The following ADCY9 variants were observed in gnomAD, a reference collection of about 807,000 sequenced individuals.
ADCY9 encodes the protein adenylate cyclase 9, also known as adenylate cyclase type 9.
In ADCY9, 50 loss-of-function variants were observed where a neutral mutation model predicts 101.5. That is an observed-to-expected ratio of 0.49 (90% CI 0.39 to 0.62). The LOEUF is 0.62. Among genes scored for constraint, ADCY9 ranks in the 20% least tolerant of loss-of-function variants. ADCY9 has a pLI of 0.00. For missense variants in ADCY9, 1,662 were observed against 1,800.4 expected (o/e 0.92, Z 1.39); for synonymous variants, 905 against 769.3 (o/e 1.18, Z -2.92).
chr16:3,963,091 G>A lies in ADCY9; in HGVS notation c.*2684C>T, dbSNP rs981679126. On this transcript the variant is annotated 3_prime_UTR_variant, in exon 11 of 11. Coordinates refer to ENST00000294016, the MANE Select transcript of ADCY9 (RefSeq NM_001116.4). ...GCATTGGATAAAATTGTGTGTGCTT[G>A]TTTACCATATATATATATATATATA... 80 of 134,192 alleles carry A rather than the reference G, an allele frequency of 6.0e-4. No individual in the cohort carries two copies. The highest frequency in any genetic ancestry group is 7.5e-3 in the Middle Eastern group (2 of 268). 8.3% of individuals were successfully genotyped at this position (134,192 alleles called of 1,614,324 possible). A position where few individuals can be genotyped will look rare whatever the true frequency, so the allele number is the denominator to read the frequency against.
Position 4,114,780 on chromosome 16 carries a change from C to T in ADCY9, c.663G>A (p.Val221=), listed in dbSNP as rs1042876657. The change falls in exon 2 of 11, where the codon GTG becomes GTA. Residue 221 remains valine, a synonymous_variant. Coordinates refer to ENST00000294016, the MANE Select transcript of ADCY9 (RefSeq NM_001116.4). The surrounding 1 kb of genome is among the most constrained non-coding windows in gnomAD (Gnocchi z 4.3). The part of the protein sequence containing the change: ...ARPTDTCLSQ[V]GSFSMCIEVL... The stretch of plus-strand genomic sequence containing the variant: ...CTTCGATGCACATGGAGAAGCTCCC[C>T]ACTTGAGATAAGCAAGTATCTGTGG... The T allele has an allele frequency of 6.2e-7, 1 of 1,613,298 alleles. No individual in the cohort carries two copies. Among genetic ancestry groups the T allele is most frequent in the East Asian group, 2.2e-5 (1 of 44,892 alleles).
intron 2 of ADCY9, among the ~76,000 whole-genome samples, chr16:4,008,204 GA>G (rs35824715): frequency 0.36 from 49,504 of 139,234 alleles, 9,105 homozygotes; most frequent in East Asian, 0.5. Flanking sequence ...CCCGCATATA[GA>G]AAAAAAAAAA....
At chr16:4,082,717 C>CGCAT (rs919672205) in intron 2 of ADCY9, among the ~76,000 whole-genome samples, 3 of 151,160 alleles carry the variant, frequency 2.0e-5, no homozygotes, top group East Asian at 3.9e-4. Flanking sequence ...CACGCATGCA[C>CGCAT]GCACACACAT....
In ADCY9 at chr16:3,983,265, A is replaced by G; in HGVS notation, c.2486T>C (p.Leu829Pro). 1 of 1,553,192 alleles carries G rather than the reference A, an allele frequency of 6.4e-7. No homozygotes were observed. Among genetic ancestry groups the G allele is most frequent in the South Asian group, 1.2e-5 (1 of 84,188 alleles). ...AALAVFSAALLLEVLSLAVSI... is the reference protein window; with the variant it reads ...AALAVFSAALPLEVLSLAVSI... ...CACCGCGAGGGACAGCACCTCCAGCAGCAGGGCTGCACTGAAGACCGCCAG... is the reference window on the plus strand; with the variant it reads ...CACCGCGAGGGACAGCACCTCCAGCGGCAGGGCTGCACTGAAGACCGCCAG... Residue 829 changes from leucine (L) to proline (P), a missense_variant, in exon 7 of 11, where the codon CTG becomes CCG. By Grantham distance (98) the Leu-to-Pro change is moderately conservative. Around this residue, in one of 5 missense-constraint regions of ADCY9, gnomAD observed 624 missense variants for 639.1 expected, o/e 0.98. Coordinates refer to ENST00000294016, the MANE Select transcript of ADCY9 (RefSeq NM_001116.4).
In ADCY9 at chr16:3,955,806, C is replaced by T. The variant is rs2055903369; in HGVS notation, c.568-2290G>A. Among the ~76,000 whole-genome samples the T allele has an allele frequency of 2.6e-5, 4 of 151,654 alleles. No homozygotes were observed. In the South Asian group the frequency reaches 8.3e-4, roughly 32 times the overall value. On this transcript the variant is annotated intron_variant, in intron 5 of 5. Coordinates refer to the ADCY9 transcript ENST00000576936. ...CCCTGTGATTCACCTGCCTCAGCCT[C>T]CCAAAGTGCTGGGATTACAGGGGTG... is the stretch of plus-strand genomic sequence containing the variant.
intron 5 of ADCY9, among the ~76,000 whole-genome samples, chr16:3,990,624 G>A (rs1015764550): frequency 3.3e-5 from 5 of 152,086 alleles, no homozygotes; most frequent in African/African-American, 1.2e-4. Context: ...AACATTCTCA[G>A]ACTCAGAAGA....
intron 2 of ADCY9, among the ~76,000 whole-genome samples, chr16:4,030,300 G>A (rs950318658): frequency 6.6e-6 from 1 of 152,106 alleles, no homozygotes; most frequent in African/African-American, 2.4e-5. Flanking sequence ...GTTGTGATAT[G>A]ACCGAGAAGG....
chr16:3,986,984 C>G (rs2238444), intron 6 of ADCY9, among the ~76,000 whole-genome samples: 47,116 of 152,126 alleles, frequency 0.31, 7,490 homozygotes, highest in East Asian at 0.43. Flanking sequence ...GCCCCTGCCA[C>G]GTCCTGCCAC....
chr16:4,040,209 G>C (rs1030359566), intron 2 of ADCY9, among the ~76,000 whole-genome samples: 1 of 152,180 alleles, frequency 6.6e-6, no homozygotes, highest in African/African-American at 2.4e-5. Flanking sequence ...AAGATAGGCA[G>C]AGCCCCTAAA....
Position 3,992,181 on chromosome 16 carries a change from C to A in ADCY9, c.2172G>T (p.Thr724=). 3 of 1,614,182 alleles carry A rather than the reference C, an allele frequency of 1.9e-6. No individual in the cohort carries two copies. The highest frequency in any genetic ancestry group is 2.5e-6 in the Non-Finnish European group (3 of 1,180,028). Residue 724 remains threonine, a synonymous_variant, in exon 5 of 11, where the codon ACG becomes ACT. Transcript: ENST00000294016. This position sits in a 1 kb window ranked among gnomAD's most constrained non-coding sequence, Gnocchi z 4.2. ...PLRFKNIREK[T]DAHFVDVIKE... ...TGATAACGTCCACAAAGTGGGCGTC[C>A]GTTTTCTCCCGGATGTTCTTGAACC...
At position 3,965,921 on chromosome 16, in the gene ADCY9, G is replaced by C; in HGVS notation, c.3916C>G (p.Leu1306Val). The C allele has an allele frequency of 6.2e-7, 1 of 1,614,202 alleles. No individual in the cohort carries two copies. The highest frequency in any genetic ancestry group is 8.5e-7 in the Non-Finnish European group (1 of 1,180,040). Reference sequence around the variant, plus strand: ...TCCTTCCACGGTCTCTTGGGGGACAGGTGGGCATCCTTGGCCTGCGTGCTG... The same window carrying C: ...TCCTTCCACGGTCTCTTGGGGGACACGTGGGCATCCTTGGCCTGCGTGCTG... ...DSSTQAKDAH[L>V]SPKRPWKEPV... Residue 1306 changes from leucine to valine, a missense_variant, in exon 11 of 11, where the codon CTG becomes GTG. Around this residue, in one of 5 missense-constraint regions of ADCY9, gnomAD observed 168 missense variants for 155.3 expected, o/e 1.08. Transcript: ENST00000294016.
intron 5 of ADCY9, among the ~76,000 whole-genome samples, chr16:3,989,735 T>A (rs2056228871): frequency 6.6e-6 from 1 of 152,214 alleles, no homozygotes; most frequent in Non-Finnish European, 1.5e-5. Flanking sequence ...AGCTTTTCTG[T>A]TCTTTGAAAC....
At chr16:3,986,345 T>C (rs1171044880) in intron 6 of ADCY9, among the ~76,000 whole-genome samples, 3 of 152,142 alleles carry the variant, frequency 2.0e-5, no homozygotes, top group Admixed American at 2.0e-4. Flanking sequence ...ACCGGGACCC[T>C]GTGGCCACCT....
intron 2 of ADCY9, among the ~76,000 whole-genome samples, chr16:4,031,394 G>A (rs1448896991): frequency 6.6e-6 from 1 of 152,070 alleles, no homozygotes; most frequent in Non-Finnish European, 1.5e-5. Flanking sequence ...TGTGTGTACT[G>A]TATTATATCC....
chr16:3,975,075 C>T (rs894135949), intron 9 of ADCY9, among the ~76,000 whole-genome samples: 1 of 152,166 alleles, frequency 6.6e-6, no homozygotes, highest in Non-Finnish European at 1.5e-5. Flanking sequence ...GGCACAAAGG[C>T]GGCAGAGGGG....
At position 4,116,353 on chromosome 16, in the gene ADCY9, G is replaced by A. The variant is rs1388462144; in HGVS notation, c.-707C>T. ...GAGCTAGAGATGCGGCCGCCGCCGC[G>A]CCCGCCGCCGTGTCCCCCGCGGCCG... On this transcript the variant is annotated 5_prime_UTR_variant, in exon 1 of 11. Transcript: ENST00000294016. Among the ~76,000 whole-genome samples, 4 of 145,356 alleles carry A rather than the reference G, an allele frequency of 2.8e-5. No homozygotes were observed. Among genetic ancestry groups the A allele is most frequent in the Admixed American group, 1.4e-4 (2 of 14,694 alleles).
rs561281628 is a variant in ADCY9, at chr16:3,983,318, C to T, written c.2433G>A (p.Ala811=). The T allele has an allele frequency of 4.6e-5, 73 of 1,573,408 alleles. No individual in the cohort carries two copies. Among genetic ancestry groups the T allele is most frequent in the African/African-American group, 5.4e-5 (4 of 73,806 alleles). ...CGGCGGGCGGGGGAGGCACGGTGGC[C>T]GCCTCGTACTTCAGGAAGCAGGTGG... The part of the protein sequence containing the change: ...LSTTCFLKYE[A]ATVPPPPAAL... Residue 811 remains alanine (A), a synonymous_variant, in exon 7 of 11, where the codon GCG becomes GCA. Coordinates refer to ENST00000294016, the MANE Select transcript of ADCY9 (RefSeq NM_001116.4).
rs2055962445 is a variant in ADCY9 at position 3,963,860 on chromosome 16, G to A, written c.*1915C>T. On this transcript the variant is annotated 3_prime_UTR_variant, in exon 11 of 11. Coordinates refer to ENST00000294016, the MANE Select transcript of ADCY9 (RefSeq NM_001116.4). Reference sequence around the variant, plus strand: ...TTTTAAGGAAAAAAAAAAATCTGCGGTGTTTTATAATACATTCTTTAGAAG... The same window carrying A: ...TTTTAAGGAAAAAAAAAAATCTGCGATGTTTTATAATACATTCTTTAGAAG... 6.5e-6 allele frequency: 1 copy of A among 152,926 alleles called. No homozygotes were observed. The allele number at this position is 152,926 out of a possible 1,614,324, so 9.5% of individuals were successfully genotyped here.
chr16:3,973,202 T>A (rs2056067169), intron 10 of ADCY9, among the ~76,000 whole-genome samples: 1 of 152,024 alleles, frequency 6.6e-6, no homozygotes. Flanking sequence ...CTAATGAATC[T>A]TTTTTTTATT....
Sources: gnomAD v4.1 joint callset for allele counts (sites outside exome capture counted in the v4.1 genomes callset) on GRCh38, gnomAD v4.1.1 for gene constraint, gnomAD v4.1.1 regional missense constraint, Gnocchi (gnomAD v3.1) non-coding constraint, MANE v1.5 for transcripts, NCBI Gene and HGNC (gene_info 2026-07-23, HGNC 2026-07-21) for gene names.